Variants in ZNF552 observed in about 807,000 individuals in gnomAD.
The protein encoded by ZNF552 is zinc finger protein 552.
A neutral mutation model predicts 7.2 loss-of-function variants in ZNF552; 2 were observed. The observed-to-expected ratio is 0.28, with a 90% CI of 0.11 to 0.88. The LOEUF (loss-of-function observed/expected upper bound fraction) is 0.88, where lower values mean the gene tolerates loss of function less well. Among genes scored for constraint, ZNF552 ranks in the 40% least tolerant of loss-of-function variants. The pLI is 0.60. For missense variants in ZNF552, 421 were observed against 493.4 expected (o/e 0.85, Z 1.39); for synonymous variants, 173 against 176.5 (o/e 0.98, Z 0.16).
At chr19:57,813,036 C>G (rs188424477) in intron 2 of ZNF552, 1 of 521,654 alleles carries the variant, frequency 1.9e-6, no homozygotes, top group Non-Finnish European at 3.3e-6. Flanking sequence ...ACACAAACAT[C>G]CACAGGACAA....
Position 57,807,805 on chromosome 19 carries a change from T to C in ZNF552, c.*235A>G. 1 of 540,708 alleles carries C rather than the reference T, an allele frequency of 1.8e-6. No individual in the cohort carries two copies. 33.5% of individuals were successfully genotyped at this position (540,708 alleles called of 1,614,324 possible). A position where few individuals can be genotyped will look rare whatever the true frequency, so the allele number is the denominator to read the frequency against. Reference sequence around the variant, plus strand: ...AGACTTCTGGATAAATATCCTGTATTTGTCACACTAGTAAGGCCTTCATTC... The same window carrying C: ...AGACTTCTGGATAAATATCCTGTATCTGTCACACTAGTAAGGCCTTCATTC... On this transcript the variant is annotated 3_prime_UTR_variant, in exon 3 of 3. Transcript: ENST00000391701.
At chr19:57,814,157 CG>C (rs1314777920) in intron 1 of ZNF552, among the ~76,000 whole-genome samples, 1 of 152,148 alleles carries the variant, frequency 6.6e-6, no homozygotes, top group Non-Finnish European at 1.5e-5. Context: ...CCTCCCTGAA[CG>C]CTTTTGTGTC....
chr19:57,813,442 A>C, intron 1 of ZNF552, 22 bp from the exon 2 acceptor site: 1 of 1,609,624 alleles, frequency 6.2e-7, no homozygotes, highest in Non-Finnish European at 8.5e-7. Context: ...TTGACAGATG[A>C]AACCACAAAC....
Position 57,808,134 on chromosome 19 carries a change from T to A in ZNF552, c.1130A>T (p.Glu377Val). The change falls in exon 3 of 3, where the codon GAA becomes GTA. Residue 377 changes from glutamate (E) to valine (V), a missense_variant. Physicochemically the swap from Glu to Val is moderately radical, Grantham distance 121. Around this residue, in one of 2 missense-constraint regions of ZNF552, gnomAD observed 299 missense variants for 293.7 expected, o/e 1.02. Transcript: ENST00000391701. ...LTKHRRVHTGEKPYGCSECEK... is the reference protein window; with the variant it reads ...LTKHRRVHTGVKPYGCSECEK... ...ACATTCACTGCACCCGTAAGGCTTT[T>A]CTCCAGTGTGAACTCTCCTGTGTTT... The A allele has an allele frequency of 6.2e-7, 1 of 1,614,224 alleles. No homozygotes were observed. The highest frequency in any genetic ancestry group is 8.5e-7 in the Non-Finnish European group (1 of 1,180,040).
rs1251849583 is a variant in ZNF552, at chr19:57,808,549, G to C, written c.715C>G (p.Pro239Ala). 1 of 1,613,988 alleles carries C rather than the reference G, an allele frequency of 6.2e-7. No homozygotes were observed. The highest frequency in any genetic ancestry group is 8.5e-7 in the Non-Finnish European group (1 of 1,180,006). Residue 239 changes from proline (P) to alanine (A), a missense_variant, in exon 3 of 3, where the codon CCT (proline) becomes GCT (alanine). Physicochemically the swap from Pro to Ala is conservative, Grantham distance 27. Around this residue, in one of 2 missense-constraint regions of ZNF552, gnomAD observed 299 missense variants for 293.7 expected, o/e 1.02. Coordinates refer to ENST00000391701, the MANE Select transcript of ZNF552 (RefSeq NM_024762.3). ...TTCCCACATTCACACCACACAGAAG[G>C]TTCTTCTGTAGGGAGCAGTCTCTCG... The part of the protein sequence containing the change: ...QHERLLPTEE[P>A]SVWCECGKSS...
intron 1 of ZNF552, among the ~76,000 whole-genome samples, chr19:57,813,676 A>G (rs923760950): frequency 1.7e-4 from 26 of 150,852 alleles, no homozygotes; most frequent in Admixed American, 7.9e-4. Context: ...GAGGTCATGG[A>G]AAGCCCAATG....
In ZNF552 at chr19:57,807,723, AAATCCTCCCATGTAGC is replaced by A. The variant is rs921132671; in HGVS notation, c.*301_*316del. The A allele has an allele frequency of 1.9e-5, 5 of 265,870 alleles. No individual in the cohort carries two copies. Among genetic ancestry groups the A allele is most frequent in the Admixed American group, 9.7e-5 (2 of 20,576 alleles). 16.5% of individuals were successfully genotyped at this position (265,870 alleles called of 1,614,324 possible). Reference sequence around the variant, plus strand: ...CAACCTCTGCCTCCCAGGCTCAAGCAAATCCTCCCATGTAGCAATCCTCCCACATGACAGCTCTCCT... The same window carrying A: ...CAACCTCTGCCTCCCAGGCTCAAGCAAATCCTCCCACATGACAGCTCTCCT... On this transcript the variant is annotated 3_prime_UTR_variant, in exon 3 of 3. Transcript: ENST00000391701.
rs1489493587 is a variant in ZNF552, at chr19:57,808,683, T to C, written c.581A>G (p.Lys194Arg). ...CACACACTCAGTTTTGCTGTTTGACTTCCCAGTGTGAGTGGCCTCTTGCTG... is the reference window on the plus strand; with the variant it reads ...CACACACTCAGTTTTGCTGTTTGACCTCCCAGTGTGAGTGGCCTCTTGCTG... The part of the protein sequence containing the change: ...LLQQEATHTG[K>R]SNSKTECVSL... Residue 194 changes from lysine (K) to arginine (R), a missense_variant, in exon 3 of 3, where the codon AAG (lysine) becomes AGG (arginine). By Grantham distance (26) the Lys-to-Arg change is conservative (BLOSUM62 2). This residue lies in a region of ZNF552 where 299 missense variants were observed against 293.7 expected (regional missense o/e 1.02). Transcript: ENST00000391701. The C allele has an allele frequency of 6.2e-7, 1 of 1,614,090 alleles. No individual in the cohort carries two copies. Among genetic ancestry groups the C allele is most frequent in the East Asian group, 2.2e-5 (1 of 44,896 alleles).
chr19:57,808,329 A>C lies in ZNF552; in HGVS notation c.935T>G (p.Ile312Ser). 1.2e-6 allele frequency: 2 copies of C among 1,613,934 alleles called. No homozygotes were observed. The highest frequency in any genetic ancestry group is 1.7e-6 in the Non-Finnish European group (2 of 1,179,818). ...TCCAGTGTGAACTCTCTGGTGTGCA[A>C]TGAGGTGGTACTTGTGCCTAAAAAA... ...QKFFRHKYHL[I>S]AHQRVHTGER... Residue 312 changes from isoleucine (I) to serine (S), a missense_variant, in exon 3 of 3, where the codon ATT becomes AGT. Physicochemically the swap from Ile to Ser is moderately radical, Grantham distance 142 (BLOSUM62 -2). Around this residue, in one of 2 missense-constraint regions of ZNF552, gnomAD observed 299 missense variants for 293.7 expected, o/e 1.02. Transcript: ENST00000391701.
chr19:57,814,538 G>T, intron 1 of ZNF552, 173 bp downstream of exon 1: 1 of 1,539,954 alleles, frequency 6.5e-7, no homozygotes, highest in East Asian at 2.4e-5. Flanking sequence ...TGTACCTGTC[G>T]CTCTCCCCAC....
intron 2 of ZNF552, among the ~76,000 whole-genome samples, chr19:57,812,788 C>A (rs1056158580): frequency 6.6e-6 from 1 of 152,146 alleles, no homozygotes; most frequent in South Asian, 2.1e-4. Context: ...AGGCTGTTCT[C>A]GAACTCCTGG....
chr19:57,809,937 A>T (rs1330387568), intron 2 of ZNF552, among the ~76,000 whole-genome samples: 1 of 150,954 alleles, frequency 6.6e-6, no homozygotes, highest in Non-Finnish European at 1.5e-5. Flanking sequence ...TGAGCAACAC[A>T]GCAAAACCTC....
In ZNF552 at chr19:57,808,057, T is replaced by G. The variant is rs936609814; in HGVS notation, c.1207A>C (p.Lys403Gln). 2 of 1,611,164 alleles carry G rather than the reference T, an allele frequency of 1.2e-6. No individual in the cohort carries two copies. The highest frequency in any genetic ancestry group is 3.4e-5 in the Admixed American group (2 of 59,544). Residue 403 changes from lysine to glutamine, a missense_variant, in exon 3 of 3, where the codon AAA becomes CAA. Transcript: ENST00000391701. ...CACTGCACTCATAAGCCCTTTCTTTTGTGAACTCTCTGATGATGACGAAGT... is the reference window on the plus strand; with the variant it reads ...CACTGCACTCATAAGCCCTTTCTTTGGTGAACTCTCTGATGATGACGAAGT... Reference protein sequence around the residue: ...SSLRHHQRVHKRKGL With the variant: ...SSLRHHQRVHQRKGL
intron 1 of ZNF552, 176 bp downstream of exon 1, chr19:57,814,535 G>C (rs1987920561): frequency 6.5e-7 from 1 of 1,539,350 alleles, no homozygotes. Context: ...CCCTGTACCT[G>C]TCGCTCTCCC....
rs1401518928 is a variant in ZNF552 at position 57,814,755 on chromosome 19, G to C, written c.-12C>G. 6.8e-6 allele frequency: 11 copies of C among 1,613,454 alleles called. No individual in the cohort carries two copies. The highest frequency in any genetic ancestry group is 1.3e-5 in the African/African-American group (1 of 74,918). ...GCGGCCGCCGCCATGGGACCACGTG[G>C]GGTAAGCTGGGTTGAGAGCAGCGGG... On this transcript the variant is annotated 5_prime_UTR_variant, in exon 1 of 3. Coordinates refer to ENST00000391701, the MANE Select transcript of ZNF552 (RefSeq NM_024762.3).
chr19:57,811,785 CTG>C (rs1417652609), intron 2 of ZNF552, among the ~76,000 whole-genome samples: 2 of 148,876 alleles, frequency 1.3e-5, no homozygotes, highest in Non-Finnish European at 3.0e-5. Flanking sequence ...AATCCCAGCA[CTG>C]TGGGAGGCAA....
Position 57,808,285 on chromosome 19 carries a change from T to G in ZNF552, c.979A>C (p.Ser327Arg), listed in dbSNP as rs1248577226. 1 of 1,614,158 alleles carries G rather than the reference T, an allele frequency of 6.2e-7. No individual in the cohort carries two copies. The highest frequency in any genetic ancestry group is 8.5e-7 in the Non-Finnish European group (1 of 1,180,020). ...TGGGTAAATGACTTCCCACAATCAC[T>G]GCATTCATATGGCCTTTCTCCAGTG... ...VHTGERPYECSDCGKSFTHSS... is the reference protein window; with the variant it reads ...VHTGERPYECRDCGKSFTHSS... Residue 327 changes from serine to arginine, a missense_variant, in exon 3 of 3, where the codon AGT becomes CGT. Physicochemically the swap from Ser to Arg is moderately radical, Grantham distance 110. This residue lies in a region of ZNF552 where 299 missense variants were observed against 293.7 expected (regional missense o/e 1.02). Coordinates refer to ENST00000391701, the MANE Select transcript of ZNF552 (RefSeq NM_024762.3).
Position 57,808,210 on chromosome 19 carries a change from A to G in ZNF552, c.1054T>C (p.Tyr352His). 2 of 1,614,210 alleles carry G rather than the reference A, an allele frequency of 1.2e-6. No homozygotes were observed. The highest frequency in any genetic ancestry group is 1.7e-6 in the Non-Finnish European group (2 of 1,180,038). The change falls in exon 3 of 3, where the codon TAT (tyrosine) becomes CAT (histidine). Residue 352 changes from tyrosine to histidine, a missense_variant. By Grantham distance (83) the Tyr-to-His change is moderately conservative. Transcript: ENST00000391701. ...HKRVHTGQKP[Y>H]ECSECGKSFA... The stretch of plus-strand genomic sequence containing the variant: ...GATTTCCCACATTCACTGCACTCAT[A>G]AGGCTTCTGACCAGTGTGAACTCTC...
intron 2 of ZNF552, 21 bp downstream of exon 2, chr19:57,813,273 G>A: frequency 1.9e-6 from 3 of 1,612,820 alleles, no homozygotes; most frequent in South Asian, 2.2e-5. Flanking sequence ...CAGGTCACAG[G>A]GGTGAGTGTG....
Sources: allele counts gnomAD v4.1 joint callset (sites outside exome capture counted in the v4.1 genomes callset), GRCh38; gene constraint gnomAD v4.1.1; regional missense constraint gnomAD v4.1.1; transcripts MANE v1.5; gene names NCBI Gene and HGNC (gene_info 2026-07-23, HGNC 2026-07-21).